MTCH2: variants seen among roughly 807,000 people sequenced by gnomAD.
The protein encoded by MTCH2 is mitochondrial carrier 2.
A neutral mutation model predicts 50.6 loss-of-function variants in MTCH2; 25 were observed. The ratio of observed to expected loss-of-function variants is 0.49; its 90% CI spans 0.36 to 0.69. The LOEUF is 0.69. Ranked by LOEUF, MTCH2 falls within the 30% of genes least tolerant of loss-of-function variation. The pLI is 0.00. For synonymous variants in MTCH2, 106 were observed against 132.0 expected, an observed-to-expected ratio of 0.80 and a Z score of 1.35; for missense variants, 273 against 384.4, an observed-to-expected ratio of 0.71 and a Z score of 2.42.
At chr11:47,628,722 G>A (rs2097300305) in intron 9 of MTCH2, among the ~76,000 whole-genome samples, 5 of 151,976 alleles carry the variant, frequency 3.3e-5, no homozygotes, top group Admixed American at 2.6e-4. Context: ...CTATAGGCAC[G>A]CACCACCACG....
At chr11:47,638,057 G>A (rs2153800893) in intron 3 of MTCH2, among the ~76,000 whole-genome samples, 1 of 152,232 alleles carries the variant, frequency 6.6e-6, no homozygotes, top group Admixed American at 6.5e-5. Context: ...GATGCTAAGT[G>A]TAGTACCAAC....
chr11:47,633,524 A>ATTT (rs1199068244), intron 5 of MTCH2, among the ~76,000 whole-genome samples: 1 of 55,310 alleles, frequency 1.8e-5, no homozygotes, highest in African/African-American at 9.1e-5. Context: ...ATATATATAT[A>ATTT]TATTTTTTTT....
intron 5 of MTCH2, among the ~76,000 whole-genome samples, chr11:47,633,486 T>C (rs1397146617): frequency 7.9e-6 from 1 of 127,254 alleles, no homozygotes; most frequent in African/African-American, 2.9e-5. Flanking sequence ...TTCCAGACCT[T>C]TAGTAATGTT....
intron 11 of MTCH2, among the ~76,000 whole-genome samples, chr11:47,624,231 CAA>C (rs530030153): frequency 3.2e-4 from 20 of 62,090 alleles, no homozygotes; most frequent in Admixed American, 3.8e-4. Context: ...GACTCCATCT[CAA>C]AAAAAAAAAA....
In MTCH2 at chr11:47,627,918, T is replaced by C. The variant is rs111307482; in HGVS notation, c.634-791A>G. Among the ~76,000 whole-genome samples the C allele has an allele frequency of 1.9e-3, 293 of 152,290 alleles. 1 individual carries two copies. The highest frequency in any genetic ancestry group is 0.014 in the Middle Eastern group (4 of 294). On this transcript the variant is annotated intron_variant, in intron 9 of 12. Coordinates refer to ENST00000302503, the MANE Select transcript of MTCH2 (RefSeq NM_014342.4). ...TATACTAAAATGCTTTAGGGACGAATGTAAAAGGATTTCAAATACTAAAGA... is the reference window on the plus strand; with the variant it reads ...TATACTAAAATGCTTTAGGGACGAACGTAAAAGGATTTCAAATACTAAAGA...
chr11:47,616,944 A>G (rs1251488501), downstream of MTCH2, among the ~76,000 whole-genome samples: 1 of 152,176 alleles, frequency 6.6e-6, no homozygotes, highest in Non-Finnish European at 1.5e-5. Context: ...TCGGCCTCCC[A>G]AAGTGCTGTG....
rs889873303 is a variant in MTCH2 at position 47,617,652 on chromosome 11, T to C, written c.*1181A>G. 1.3e-5 allele frequency: 2 copies of C among 152,630 alleles called. No homozygotes were observed. The highest frequency in any genetic ancestry group is 2.9e-5 in the Non-Finnish European group (2 of 68,046). 9.5% of individuals were successfully genotyped at this position (152,630 alleles called of 1,614,324 possible). A position where few individuals can be genotyped will look rare whatever the true frequency, so the allele number is the denominator to read the frequency against. ...TATATAAATAAGTGAAACCACAGGC[T>C]TTCTCATTTTAGAGCATTTTAACCT... On this transcript the variant is annotated 3_prime_UTR_variant, in exon 13 of 13. Transcript: ENST00000302503.
chr11:47,622,353 T>C (rs1160525356), intron 12 of MTCH2, among the ~76,000 whole-genome samples: 8 of 151,978 alleles, frequency 5.3e-5, no homozygotes, highest in Non-Finnish European at 1.0e-4. Flanking sequence ...AAAGGTGAGT[T>C]TGGGGGAAAA....
intron 5 of MTCH2, among the ~76,000 whole-genome samples, chr11:47,632,936 G>A (rs949290461): frequency 2.7e-5 from 4 of 148,528 alleles, no homozygotes; most frequent in Non-Finnish European, 6.0e-5. Flanking sequence ...GCCTGACCTC[G>A]TGATCTGCCC....
chr11:47,619,983 A>T (rs1315340357), intron 12 of MTCH2, among the ~76,000 whole-genome samples: 1 of 152,200 alleles, frequency 6.6e-6, no homozygotes, highest in East Asian at 1.9e-4. Context: ...AGGCTGAGGC[A>T]GGGGAATTGC....
At chr11:47,635,411 G>T in intron 4 of MTCH2, 134 bp downstream of exon 4, 1 of 946,560 alleles carries the variant, frequency 1.1e-6, no homozygotes, top group South Asian at 1.5e-5. Flanking sequence ...CCAAACTGGT[G>T]GCCACCCCAT....
At chr11:47,639,636 C>T (rs555293657) in intron 1 of MTCH2, among the ~76,000 whole-genome samples, 11 of 152,180 alleles carry the variant, frequency 7.2e-5, no homozygotes, top group South Asian at 2.1e-4. Context: ...GTCAGGAGTT[C>T]GAGACCAGTC....
At chr11:47,614,745 T>G (rs756940845), downstream of MTCH2, among the ~76,000 whole-genome samples, 4 of 152,308 alleles carry the variant, frequency 2.6e-5, no homozygotes, top group Admixed American at 6.5e-5. Flanking sequence ...CCATACCTAA[T>G]TTTTGTAATT....
At chr11:47,616,256 C>A (rs960757820), downstream of MTCH2, among the ~76,000 whole-genome samples, 5 of 152,168 alleles carry the variant, frequency 3.3e-5, no homozygotes, top group African/African-American at 1.2e-4. Context: ...GTCAAGGTTT[C>A]AATGGTCACC....
chr11:47,607,874 G>A, the MTCH2 span, among the ~76,000 whole-genome samples: 1 of 152,172 alleles, frequency 6.6e-6, no homozygotes, highest in South Asian at 2.1e-4. Context: ...ACTAACTGTT[G>A]AGCATACAAT....
At chr11:47,623,342 A>G (rs1410399783) in intron 11 of MTCH2, among the ~76,000 whole-genome samples, 1 of 148,840 alleles carries the variant, frequency 6.7e-6, no homozygotes, top group Non-Finnish European at 1.5e-5. Flanking sequence ...ACTGCACTCC[A>G]GCCTGGGTGA....
chr11:47,631,117 A>G, intron 6 of MTCH2, 30 bp from the exon 7 acceptor site: 1 of 1,600,438 alleles, frequency 6.2e-7, no homozygotes, highest in East Asian at 2.2e-5. Context: ...GATGTTTACA[A>G]CTATGTTAAG....
chr11:47,630,712 G>T, intron 7 of MTCH2, 98 bp from the exon 8 acceptor site: 1 of 1,111,072 alleles, frequency 9.0e-7, no homozygotes, highest in Non-Finnish European at 1.3e-6. Context: ...TCAAATCCAC[G>T]ACCTCCTTCC....
intron 1 of MTCH2, among the ~76,000 whole-genome samples, chr11:47,641,428 C>T (rs943609813): frequency 1.3e-5 from 2 of 152,120 alleles, no homozygotes; most frequent in Non-Finnish European, 2.9e-5. Flanking sequence ...TCTCTAGTGT[C>T]TTGCCTATTT....
Sources: allele counts gnomAD v4.1 joint callset (sites outside exome capture counted in the v4.1 genomes callset), GRCh38; gene constraint gnomAD v4.1.1; transcripts MANE v1.5; gene names NCBI Gene and HGNC (gene_info 2026-07-23, HGNC 2026-07-21).